PPP1R21: variants seen among roughly 807,000 people sequenced by gnomAD.
PPP1R21 encodes protein phosphatase 1 regulatory subunit 21, also known as KLRAQ motif containing 1.
PPP1R21 carries 85 observed loss-of-function variants against 112.8 expected under a neutral mutation model. The observed-to-expected ratio is 0.75, with a 90% CI of 0.63 to 0.90. PPP1R21 has a LOEUF of 0.90. PPP1R21 is among the 40% of genes least tolerant of loss of function. The pLI is 0.00. For missense variants in PPP1R21, 1,199 were observed against 901.5 expected, an observed-to-expected ratio of 1.33 and a Z score of -4.23; for synonymous variants, 381 against 322.3, an observed-to-expected ratio of 1.18 and a Z score of -1.95.
intron 14 of PPP1R21, among the ~76,000 whole-genome samples, chr2:48,487,148 C>G (rs1436992871): frequency 6.6e-6 from 1 of 152,060 alleles, no homozygotes; most frequent in Non-Finnish European, 1.5e-5. Flanking sequence ...TTAGAAGATT[C>G]TAGGTAGTCT....
chr2:48,448,392 G>C (rs1216680631), intron 1 of PPP1R21, among the ~76,000 whole-genome samples: 1 of 152,166 alleles, frequency 6.6e-6, no homozygotes, highest in Non-Finnish European at 1.5e-5. Flanking sequence ...AGTCTGCAGT[G>C]TGCCTTAGAA....
At chr2:48,475,008 C>T (rs1295498110) in intron 12 of PPP1R21, among the ~76,000 whole-genome samples, 189 bp downstream of exon 12, 1 of 152,150 alleles carries the variant, frequency 6.6e-6, no homozygotes, top group Non-Finnish European at 1.5e-5. Flanking sequence ...CTCTGGACTT[C>T]TGGTTTTCTA....
chr2:48,458,435 G>A (rs1431722128), intron 4 of PPP1R21, among the ~76,000 whole-genome samples: 4 of 152,148 alleles, frequency 2.6e-5, no homozygotes, highest in Non-Finnish European at 4.4e-5. Context: ...ATATGCATTT[G>A]TTCAGAAGAC....
intron 11 of PPP1R21, among the ~76,000 whole-genome samples, chr2:48,472,696 C>T (rs1668573831): frequency 6.6e-6 from 1 of 151,800 alleles, no homozygotes; most frequent in East Asian, 1.9e-4. Context: ...TGCCTGTAAT[C>T]CCAATACCTT....
At chr2:48,471,396 G>C in intron 11 of PPP1R21, 29 bp downstream of exon 11, 1 of 1,577,796 alleles carries the variant, frequency 6.3e-7, no homozygotes, top group Non-Finnish European at 8.6e-7. Flanking sequence ...CAGGGAACTT[G>C]GGGAATTGTG....
At chr2:48,494,295 A>G (rs947667774) in intron 15 of PPP1R21, among the ~76,000 whole-genome samples, 5 of 144,396 alleles carry the variant, frequency 3.5e-5, no homozygotes, top group South Asian at 2.2e-4. Flanking sequence ...TCAAAAATGC[A>G]TTTAATGTGC....
intron 20 of PPP1R21, among the ~76,000 whole-genome samples, chr2:48,510,485 G>A (rs1670589820): frequency 6.6e-6 from 1 of 152,108 alleles, no homozygotes; most frequent in Admixed American, 6.6e-5. Context: ...CTGAAAGGTG[G>A]GGCTATAACA....
intron 12 of PPP1R21, among the ~76,000 whole-genome samples, chr2:48,477,414 C>T (rs889933068): frequency 6.6e-6 from 1 of 152,146 alleles, no homozygotes; most frequent in African/African-American, 2.4e-5. Flanking sequence ...AGCCACCACA[C>T]CCAACCTCAT....
chr2:48,446,650 C>T (rs2103738096), intron 1 of PPP1R21, among the ~76,000 whole-genome samples: 1 of 152,178 alleles, frequency 6.6e-6, no homozygotes, highest in Non-Finnish European at 1.5e-5. Context: ...CCTTCTCTAT[C>T]CATAGCATTG....
At chr2:48,498,760 A>G (rs1032863548) in intron 17 of PPP1R21, 25 bp downstream of exon 17, 6 of 1,607,470 alleles carry the variant, frequency 3.7e-6, no homozygotes, top group Non-Finnish European at 4.3e-6. Flanking sequence ...GGTTGTCCTC[A>G]GTTTTCTTTT....
intron 1 of PPP1R21, among the ~76,000 whole-genome samples, chr2:48,443,174 T>C (rs1667106628): frequency 6.6e-6 from 1 of 152,188 alleles, no homozygotes. Context: ...CACTCATCCT[T>C]GTGTCTCATT....
At chr2:48,472,548 C>G (rs1481527404) in intron 11 of PPP1R21, among the ~76,000 whole-genome samples, 1 of 151,948 alleles carries the variant, frequency 6.6e-6, no homozygotes, top group Non-Finnish European at 1.5e-5. Flanking sequence ...ATCACTTGAA[C>G]CTGGGAGGCG....
chr2:48,452,728 A>G lies in PPP1R21; in HGVS notation c.126+1652A>G, dbSNP rs1667532489. On this transcript the variant is annotated intron_variant, in intron 2 of 21. Transcript: ENST00000294952. The stretch of plus-strand genomic sequence containing the variant: ...TGTTAGGTGTAATCAATGCTCATTG[A>G]TTTGAATTTTTAAAATTTGAAAGAC... Among the ~76,000 whole-genome samples, 9 of 151,944 alleles carry G rather than the reference A, an allele frequency of 5.9e-5. No individual in the cohort carries two copies. In the South Asian group the frequency reaches 1.9e-3, roughly 31 times the overall value.
chr2:48,490,218 C>CAAAAAAAAAAAAAAA (rs70943343), intron 14 of PPP1R21, among the ~76,000 whole-genome samples: 11 of 93,916 alleles, frequency 1.2e-4, no homozygotes, highest in Non-Finnish European at 1.6e-4. Context: ...GACGCCGACT[C>CAAAAAAAAAAAAAAA]AAAAAAAAAA....
At position 48,440,800 on chromosome 2, in the gene PPP1R21, T is replaced by G; in HGVS notation, c.-154T>G. 4.7e-6 allele frequency: 3 copies of G among 632,762 alleles called. No individual in the cohort carries two copies. Among genetic ancestry groups the G allele is most frequent in the East Asian group, 3.1e-5 (1 of 31,854 alleles). 39.2% of individuals were successfully genotyped at this position (632,762 alleles called of 1,614,324 possible). On this transcript the variant is annotated 5_prime_UTR_variant, in exon 1 of 22. Coordinates refer to ENST00000294952, the MANE Select transcript of PPP1R21 (RefSeq NM_001135629.3). ...TCCTCCCACCCCGGGAACCCGGAAGTGGAGGAGGAGGCGCGGCGGCGGCGG... is the reference window on the plus strand; with the variant it reads ...TCCTCCCACCCCGGGAACCCGGAAGGGGAGGAGGAGGCGCGGCGGCGGCGG...
In PPP1R21 at chr2:48,486,903, C is replaced by G. The variant is rs1669326623; in HGVS notation, c.1446+145C>G. Reference sequence around the variant, plus strand: ...AAGTTGTCTCTCTTTCCTCTGCTTCCTACCCAGTATGTACTCTGACTTATT... The same window carrying G: ...AAGTTGTCTCTCTTTCCTCTGCTTCGTACCCAGTATGTACTCTGACTTATT... On this transcript the variant is annotated intron_variant, in intron 14 of 21. Coordinates refer to ENST00000294952, the MANE Select transcript of PPP1R21 (RefSeq NM_001135629.3). The G allele has an allele frequency of 4.8e-6, 4 of 826,086 alleles. No individual in the cohort carries two copies. The East Asian group carries it at 1.1e-4, about 22-fold the overall frequency. The allele number at this position is 826,086 out of a possible 1,614,324, so 51.2% of individuals were successfully genotyped here. A position where few individuals can be genotyped will look rare whatever the true frequency, so the allele number is the denominator to read the frequency against.
intron 3 of PPP1R21, among the ~76,000 whole-genome samples, chr2:48,456,724 T>G (rs1667741712): frequency 6.6e-6 from 1 of 152,188 alleles, no homozygotes; most frequent in Admixed American, 6.5e-5. Context: ...GGTATAACAC[T>G]TATGTATTAG....
At chr2:48,481,225 GTGAC>G (rs1273770972) in intron 13 of PPP1R21, among the ~76,000 whole-genome samples, 1 of 152,190 alleles carries the variant, frequency 6.6e-6, no homozygotes, top group Non-Finnish European at 1.5e-5. Context: ...CTGACATCAG[GTGAC>G]CCACCTGCCG....
At chr2:48,503,670 G>A (rs1350151650) in intron 17 of PPP1R21, among the ~76,000 whole-genome samples, 4 of 151,998 alleles carry the variant, frequency 2.6e-5, no homozygotes, top group African/African-American at 9.7e-5. Flanking sequence ...TTGCATTGTC[G>A]GGCGCGGTGG....
Sources: gnomAD v4.1 joint callset for allele counts (sites outside exome capture counted in the v4.1 genomes callset) on GRCh38, gnomAD v4.1.1 for gene constraint, MANE v1.5 for transcripts, NCBI Gene and HGNC (gene_info 2026-07-23, HGNC 2026-07-21) for gene names.